Variants in PIGK observed in about 807,000 individuals in gnomAD.
PIGK encodes phosphatidylinositol glycan anchor biosynthesis class K.
Under a neutral mutation model 50.6 loss-of-function variants are expected in PIGK, and 42 were observed. That is an observed-to-expected ratio of 0.83 (90% confidence interval 0.65 to 1.07). The LOEUF (loss-of-function observed/expected upper bound fraction) is 1.07, where lower values mean the gene tolerates loss of function less well. Among genes scored for constraint, PIGK ranks in the 50% least tolerant of loss-of-function variants. The pLI is 0.00. For synonymous variants in PIGK, 151 were observed against 156.0 expected (o/e 0.97, Z 0.24); for missense variants, 448 against 488.7 (o/e 0.92, Z 0.78).
chr1:77,154,690 A>G lies in PIGK; in HGVS notation c.814-69T>C, dbSNP rs144742034. 5.7e-4 allele frequency: 557 copies of G among 983,342 alleles called. 2 individuals carry two copies. The African/African-American group carries it at 6.8e-3, about 12-fold the overall frequency. 60.9% of individuals were successfully genotyped at this position (983,342 alleles called of 1,614,324 possible). ...CCACATTTATTAAATCCAATCACAT[A>G]ATTCACTAAACTATAGTGTATTTTT... On this transcript the variant is annotated intron_variant, in intron 8 of 10. Coordinates refer to ENST00000370812, the MANE Select transcript of PIGK (RefSeq NM_005482.3).
chr1:77,164,085 T>C (rs930242303), intron 5 of PIGK, 143 bp from the exon 6 acceptor site: 4 of 517,884 alleles, frequency 7.7e-6, no homozygotes, highest in African/African-American at 6.0e-5. Context: ...ACAAACAAAT[T>C]GAATTTTCTA....
At chr1:77,122,794 C>T (rs1570199349) in intron 9 of PIGK, among the ~76,000 whole-genome samples, 1 of 152,204 alleles carries the variant, frequency 6.6e-6, no homozygotes, top group Admixed American at 6.5e-5. Context: ...GGGACTTGCA[C>T]CTCCAGGAGT....
intron 3 of PIGK, among the ~76,000 whole-genome samples, chr1:77,173,058 T>C (rs778527070): frequency 2.7e-4 from 41 of 152,172 alleles, no homozygotes; most frequent in Non-Finnish European, 4.3e-4. Context: ...GCAAAGCCAA[T>C]ATTTTTGGTA....
chr1:77,210,013 A>G (rs1171564154), intron 2 of PIGK, among the ~76,000 whole-genome samples: 1 of 152,074 alleles, frequency 6.6e-6, no homozygotes, highest in Non-Finnish European at 1.5e-5. Flanking sequence ...ACTTTTCTGT[A>G]TAACTTGAAC....
chr1:77,100,751 G>A (rs755129868), intron 10 of PIGK, among the ~76,000 whole-genome samples: 2 of 152,138 alleles, frequency 1.3e-5, no homozygotes, highest in Non-Finnish European at 2.9e-5. Flanking sequence ...AGATATATTC[G>A]AAGTAGCCAA....
At chr1:77,144,615 T>C (rs1654725939) in intron 9 of PIGK, among the ~76,000 whole-genome samples, 1 of 151,902 alleles carries the variant, frequency 6.6e-6, no homozygotes, top group Non-Finnish European at 1.5e-5. Context: ...ATACTATTTA[T>C]ATATACTGAT....
rs759811975 is a variant in PIGK at position 77,219,294 on chromosome 1, T to C, written c.93+16A>G. 1.2e-6 allele frequency: 2 copies of C among 1,609,642 alleles called. No homozygotes were observed. Among genetic ancestry groups the C allele is most frequent in the Non-Finnish European group, 1.7e-6 (2 of 1,176,242 alleles). On this transcript the variant is annotated intron_variant, in intron 1 of 10. Coordinates refer to ENST00000370812, the MANE Select transcript of PIGK (RefSeq NM_005482.3). Reference sequence around the variant, plus strand: ...AGCCGGCCTCCCGGCTGTGGTCAAATGAGCCTGACTCCTACCTCGATATGA... The same window carrying C: ...AGCCGGCCTCCCGGCTGTGGTCAAACGAGCCTGACTCCTACCTCGATATGA...
intron 3 of PIGK, among the ~76,000 whole-genome samples, chr1:77,201,406 GC>G (rs1200227571): frequency 6.6e-6 from 1 of 152,216 alleles, no homozygotes; most frequent in Non-Finnish European, 1.5e-5. Context: ...CAATTGAAGT[GC>G]CCTGGTAAGA....
At chr1:77,149,099 C>T (rs1434626099) in intron 9 of PIGK, among the ~76,000 whole-genome samples, 1 of 151,940 alleles carries the variant, frequency 6.6e-6, no homozygotes, top group East Asian at 1.9e-4. Flanking sequence ...ATAATAGATA[C>T]ACTAAAAGCA....
chr1:77,145,775 G>A (rs1459769572), intron 9 of PIGK, among the ~76,000 whole-genome samples: 1 of 151,636 alleles, frequency 6.6e-6, no homozygotes, highest in African/African-American at 2.4e-5. Context: ...AAAATTTGGA[G>A]GACTTATATA....
At chr1:77,106,084 A>C (rs940088495) in intron 10 of PIGK, among the ~76,000 whole-genome samples, 3 of 152,242 alleles carry the variant, frequency 2.0e-5, no homozygotes, top group Non-Finnish European at 4.4e-5. Flanking sequence ...ACACACCAAA[A>C]ATGAATAATG....
At chr1:77,202,745 T>G (rs966171589) in intron 3 of PIGK, among the ~76,000 whole-genome samples, 3 of 152,166 alleles carry the variant, frequency 2.0e-5, no homozygotes, top group African/African-American at 7.2e-5. Context: ...TTGGATTTTA[T>G]AGAAACAATG....
chr1:77,165,545 CA>C (rs1276407952), intron 5 of PIGK, among the ~76,000 whole-genome samples: 3 of 150,666 alleles, frequency 2.0e-5, no homozygotes, highest in African/African-American at 7.3e-5. Flanking sequence ...ATTTATAGAA[CA>C]TCTTTTGATT....
chr1:77,104,224 A>G (rs984668739), intron 10 of PIGK, among the ~76,000 whole-genome samples: 5 of 152,140 alleles, frequency 3.3e-5, no homozygotes, highest in African/African-American at 7.2e-5. Flanking sequence ...CAAAAAAGAG[A>G]TATATGACAT....
At chr1:77,183,536 G>A (rs1655669390) in intron 3 of PIGK, among the ~76,000 whole-genome samples, 1 of 152,126 alleles carries the variant, frequency 6.6e-6, no homozygotes, top group Non-Finnish European at 1.5e-5. Flanking sequence ...CCATGAGGAG[G>A]TGCACTACAC....
chr1:77,139,975 T>C (rs542905301), intron 9 of PIGK, among the ~76,000 whole-genome samples: 10 of 152,290 alleles, frequency 6.6e-5, no homozygotes, highest in African/African-American at 2.4e-4. Context: ...TATTGAGAAA[T>C]GTTTCCTTCT....
At chr1:77,217,800 C>T (rs545237925) in intron 1 of PIGK, among the ~76,000 whole-genome samples, 12 of 152,196 alleles carry the variant, frequency 7.9e-5, no homozygotes, top group South Asian at 2.1e-4. Flanking sequence ...GATAGGGAAA[C>T]GTTCTACAGA....
At chr1:77,188,555 G>C (rs1655808958) in intron 3 of PIGK, among the ~76,000 whole-genome samples, 1 of 152,106 alleles carries the variant, frequency 6.6e-6, no homozygotes, top group South Asian at 2.1e-4. Flanking sequence ...TGGTCCTGTG[G>C]TCCTGTGATC....
chr1:77,144,170 T>G (rs1033789386), intron 9 of PIGK, among the ~76,000 whole-genome samples: 2 of 152,126 alleles, frequency 1.3e-5, no homozygotes, highest in South Asian at 4.1e-4. Flanking sequence ...TAATGTCAGA[T>G]AGTAGACAAT....
Sources: gnomAD v4.1 joint callset for allele counts (sites outside exome capture counted in the v4.1 genomes callset) on GRCh38, gnomAD v4.1.1 for gene constraint, MANE v1.5 for transcripts, NCBI Gene and HGNC (gene_info 2026-07-23, HGNC 2026-07-21) for gene names.